ATRNL1: variants seen among roughly 807,000 people sequenced by gnomAD.
ATRNL1 encodes the protein attractin-like protein 1.
A neutral mutation model predicts 182.7 loss-of-function variants in ATRNL1; 95 were observed. The ratio of observed to expected loss-of-function variants is 0.52; its 90% CI spans 0.44 to 0.62. ATRNL1 has a LOEUF of 0.62. ATRNL1 is among the 20% of genes least tolerant of loss of function. The pLI is 0.00. For missense variants in ATRNL1, 1,471 were observed against 1,679.5 expected, an observed-to-expected ratio of 0.88 and a Z score of 2.17; for synonymous variants, 576 against 568.3, an observed-to-expected ratio of 1.01 and a Z score of -0.19.
chr10:115,876,946 C>T (rs1555107381), intron 28 of ATRNL1, among the ~76,000 whole-genome samples: 1 of 152,102 alleles, frequency 6.6e-6, no homozygotes, highest in East Asian at 1.9e-4. Flanking sequence ...ATGGTTTTCC[C>T]TTTAAAAGGA....
At chr10:115,775,959 C>A (rs145974063) in intron 27 of ATRNL1, among the ~76,000 whole-genome samples, 612 of 112,804 alleles carry the variant, frequency 5.4e-3, no homozygotes, top group African/African-American at 5.8e-3. Flanking sequence ...ACTCCATTCT[C>A]AAAAAAAAAA....
rs1257629267 is a variant in ATRNL1, at chr10:115,583,031, G to A, written c.3795+33495G>A. 2.0e-5 allele frequency among the ~76,000 whole-genome samples: 3 copies of A among 147,786 alleles called. 1 individual carries two copies. The highest frequency in any genetic ancestry group is 6.8e-5 in the Admixed American group (1 of 14,638). On this transcript the variant is annotated intron_variant, in intron 26 of 28. Transcript: ENST00000355044. ...CTTTCCCCATTGCTCGTTTTTCTCA[G>A]GTTTGTCAAAGATCAGATAGTTGTA...
At chr10:115,838,376 G>A (rs907228977) in intron 27 of ATRNL1, among the ~76,000 whole-genome samples, 2 of 152,070 alleles carry the variant, frequency 1.3e-5, no homozygotes, top group Admixed American at 6.5e-5. Context: ...GTTACTGACA[G>A]GTCACAGCAC....
intron 19 of ATRNL1, among the ~76,000 whole-genome samples, chr10:115,335,677 T>A (rs1855448880): frequency 6.6e-6 from 1 of 152,190 alleles, no homozygotes; most frequent in Non-Finnish European, 1.5e-5. Context: ...CCTTACATAG[T>A]GGTGTAGTAT....
At chr10:115,268,536 G>A (rs1022385634) in intron 13 of ATRNL1, 92 bp downstream of exon 13, 118 of 873,454 alleles carry the variant, frequency 1.4e-4, no homozygotes, top group Non-Finnish European at 1.9e-4. Flanking sequence ...TAGAAAAAAA[G>A]CACTTTACAC....
At chr10:115,537,286 A>G (rs1403802349) in intron 25 of ATRNL1, among the ~76,000 whole-genome samples, 1 of 152,240 alleles carries the variant, frequency 6.6e-6, no homozygotes, top group Non-Finnish European at 1.5e-5. Flanking sequence ...TCCAAGAGTC[A>G]TATCAGTAAC....
Position 115,165,602 on chromosome 10 carries a change from G to A in ATRNL1, c.1049G>A (p.Arg350Lys), listed in dbSNP as rs782590950. The A allele has an allele frequency of 1.9e-6, 3 of 1,545,354 alleles. No individual in the cohort carries two copies. Among genetic ancestry groups the A allele is most frequent in the Non-Finnish European group, 2.6e-6 (3 of 1,137,226 alleles). Residue 350 changes from arginine to lysine, a missense_variant, in exon 7 of 29, where the codon AGG becomes AAG. Transcript: ENST00000355044. Reference protein sequence around the residue: ...SSIWNVGTPSRGPLQRYGHSL... With the variant: ...SSIWNVGTPSKGPLQRYGHSL... The stretch of plus-strand genomic sequence containing the variant: ...ATATGGAATGTAGGAACTCCATCAA[G>A]GGGACCTCTCCAGAGATATGGACAC...
At chr10:115,416,020 A>C (rs1845372631) in intron 20 of ATRNL1, among the ~76,000 whole-genome samples, 1 of 151,882 alleles carries the variant, frequency 6.6e-6, no homozygotes, top group South Asian at 2.1e-4. Context: ...TGTTTTTCTA[A>C]TTATTCTTGT....
At chr10:115,590,967 G>C (rs193166977) in intron 26 of ATRNL1, among the ~76,000 whole-genome samples, 86 of 152,240 alleles carry the variant, frequency 5.6e-4, no homozygotes, top group Non-Finnish European at 7.8e-4. Context: ...AAATCCTTCT[G>C]TTTCAATGAT....
At chr10:115,299,810 T>C (rs782581485) in intron 15 of ATRNL1, among the ~76,000 whole-genome samples, 5 of 152,224 alleles carry the variant, frequency 3.3e-5, no homozygotes, top group Admixed American at 6.5e-5. Flanking sequence ...ATTCCAATCA[T>C]GTAGCTAAAT....
intron 28 of ATRNL1, among the ~76,000 whole-genome samples, chr10:115,850,463 T>G (rs1555100201): frequency 1.3e-5 from 2 of 152,182 alleles, no homozygotes; most frequent in African/African-American, 4.8e-5. Flanking sequence ...ATTTAGTGTA[T>G]GCACAGCCAA....
At chr10:115,183,396 A>T (rs1335507868) in intron 8 of ATRNL1, among the ~76,000 whole-genome samples, 1 of 151,540 alleles carries the variant, frequency 6.6e-6, no homozygotes, top group Non-Finnish European at 1.5e-5. Context: ...AGCTGAAATT[A>T]ATGATGTAAG....
At chr10:115,755,382 G>C (rs1361229366) in intron 27 of ATRNL1, among the ~76,000 whole-genome samples, 1 of 152,144 alleles carries the variant, frequency 6.6e-6, no homozygotes, top group Non-Finnish European at 1.5e-5. Flanking sequence ...AGCATGAAAG[G>C]CTGTTGAATT....
chr10:115,346,418 G>A (rs1003261435), intron 19 of ATRNL1, among the ~76,000 whole-genome samples: 39 of 152,040 alleles, frequency 2.6e-4, no homozygotes, highest in African/African-American at 1.9e-4. Context: ...TGGTTCATTC[G>A]TATGATAGCA....
At position 115,349,028 on chromosome 10, in the gene ATRNL1, T is replaced by G. The variant is rs11197174; in HGVS notation, c.3175+14609T>G. On this transcript the variant is annotated intron_variant, in intron 19 of 28. Coordinates refer to ENST00000355044, the MANE Select transcript of ATRNL1 (RefSeq NM_207303.4). ...TAAATTATTTTAAACTATAGTCACT[T>G]TATTATGCTGTGGAACACTAGATCT... Among the ~76,000 whole-genome samples the G allele has an allele frequency of 2.7e-3, 413 of 152,282 alleles. 17 individuals are homozygous for G. In the East Asian group the frequency reaches 0.063, roughly 23 times the overall value.
intron 8 of ATRNL1, among the ~76,000 whole-genome samples, chr10:115,194,324 T>C (rs1252706519): frequency 6.6e-6 from 1 of 151,962 alleles, no homozygotes; most frequent in Non-Finnish European, 1.5e-5. Flanking sequence ...TGTTTTGGGG[T>C]CTTCTCTCTT....
chr10:115,450,312 C>T (rs1554967404), intron 21 of ATRNL1, among the ~76,000 whole-genome samples: 1 of 152,106 alleles, frequency 6.6e-6, no homozygotes, highest in Non-Finnish European at 1.5e-5. Flanking sequence ...AAATAAAGAG[C>T]ATCCAAATAG....
At chr10:115,763,751 CAT>C (rs2134150813) in intron 27 of ATRNL1, among the ~76,000 whole-genome samples, 1 of 152,094 alleles carries the variant, frequency 6.6e-6, no homozygotes, top group East Asian at 1.9e-4. Context: ...TATATACAGA[CAT>C]ATACATATGT....
chr10:115,888,559 C>A (rs1414859358), intron 28 of ATRNL1, among the ~76,000 whole-genome samples: 1 of 152,172 alleles, frequency 6.6e-6, no homozygotes, highest in Non-Finnish European at 1.5e-5. Context: ...AAAGGAACAA[C>A]CCCTCAATAT....
Sources: gnomAD v4.1 joint callset for allele counts (sites outside exome capture counted in the v4.1 genomes callset) on GRCh38, gnomAD v4.1.1 for gene constraint, MANE v1.5 for transcripts, NCBI Gene and HGNC (gene_info 2026-07-23, HGNC 2026-07-21) for gene names.